Variants in ANKH observed in about 807,000 individuals in gnomAD.
ANKH encodes the protein ANKH inorganic pyrophosphate transport regulator, also known as mineralization regulator ANKH.
Under a neutral mutation model 49.0 loss-of-function variants are expected in ANKH, and 15 were observed. The ratio of observed to expected loss-of-function variants is 0.31; its 90% CI spans 0.20 to 0.47. The LOEUF is 0.47. ANKH is among the 20% of genes least tolerant of loss of function. The pLI, the probability that ANKH is intolerant of heterozygous loss-of-function variation, is 1.00. For missense variants in ANKH, 429 were observed against 652.0 expected (o/e 0.66, Z 3.72); for synonymous variants, 273 against 260.0 (o/e 1.05, Z -0.48).
intron 1 of ANKH, among the ~76,000 whole-genome samples, chr5:14,779,074 A>T (rs542741540): frequency 6.6e-6 from 1 of 152,226 alleles, no homozygotes; most frequent in East Asian, 1.9e-4. Flanking sequence ...TAAATTTCTT[A>T]TTGCTTCTCT....
At chr5:14,792,936 C>T (rs890624926) in intron 1 of ANKH, among the ~76,000 whole-genome samples, 2 of 142,034 alleles carry the variant, frequency 1.4e-5, no homozygotes, top group African/African-American at 2.6e-5. Context: ...GAGATTATGC[C>T]ACCACACTCC....
chr5:14,848,138 A>G (rs751040932), intron 1 of ANKH, among the ~76,000 whole-genome samples: 27 of 152,272 alleles, frequency 1.8e-4, no homozygotes, highest in Non-Finnish European at 3.5e-4. Context: ...GATTCTGTTG[A>G]GAGACAGGAC....
chr5:14,863,081 G>A (rs571602491), intron 1 of ANKH, among the ~76,000 whole-genome samples: 23 of 152,194 alleles, frequency 1.5e-4, no homozygotes, highest in Admixed American at 3.9e-4. Context: ...GTGGTTACAC[G>A]GGCATACTGC....
At chr5:14,805,593 G>A (rs946981237) in intron 1 of ANKH, among the ~76,000 whole-genome samples, 2 of 150,780 alleles carry the variant, frequency 1.3e-5, no homozygotes, top group Non-Finnish European at 3.0e-5. Flanking sequence ...CTTGCTTTAG[G>A]TGTTTATTCT....
At chr5:14,794,189 C>A (rs753191691) in intron 1 of ANKH, among the ~76,000 whole-genome samples, 2 of 152,214 alleles carry the variant, frequency 1.3e-5, no homozygotes, top group Non-Finnish European at 2.9e-5. Flanking sequence ...GGAAAGCCAG[C>A]CTATTCTAGA....
intron 1 of ANKH, among the ~76,000 whole-genome samples, chr5:14,864,530 A>G (rs1378766717): frequency 6.6e-6 from 1 of 152,228 alleles, no homozygotes; most frequent in African/African-American, 2.4e-5. Context: ...TAAGGAGGTC[A>G]CAGTGTCCTT....
chr5:14,713,800 C>T lies in ANKH; in HGVS notation c.1142-133G>A, dbSNP rs1737335078. On this transcript the variant is annotated intron_variant, in intron 9 of 11. Coordinates refer to ENST00000284268, the MANE Select transcript of ANKH (RefSeq NM_054027.6). This position sits in a 1 kb window ranked among gnomAD's most constrained non-coding sequence, Gnocchi z 4.4. ...CTGGCCTTGCTGTTGAGCCGCTGGC[C>T]ACCTCATCTTCCTGCCAGGGTTCCC... 2 of 1,301,002 alleles carry T rather than the reference C, an allele frequency of 1.5e-6. No individual in the cohort carries two copies. The highest frequency in any genetic ancestry group is 2.4e-5 in the South Asian group (2 of 83,586). 80.6% of individuals were successfully genotyped at this position (1,301,002 alleles called of 1,614,324 possible). A position where few individuals can be genotyped will look rare whatever the true frequency, so the allele number is the denominator to read the frequency against.
chr5:14,772,309 A>C (rs1739471740), intron 1 of ANKH, among the ~76,000 whole-genome samples: 1 of 152,222 alleles, frequency 6.6e-6, no homozygotes, highest in Non-Finnish European at 1.5e-5. Context: ...ACTGTTAGGA[A>C]GAAATGTATT....
chr5:14,743,096 A>G (rs1462466208), intron 7 of ANKH, among the ~76,000 whole-genome samples: 1 of 152,194 alleles, frequency 6.6e-6, no homozygotes, highest in Non-Finnish European at 1.5e-5. Context: ...CATTTCTCAA[A>G]TCCCTTCCAC....
intron 8 of ANKH, among the ~76,000 whole-genome samples, chr5:14,730,682 C>T (rs559173434): frequency 4.6e-5 from 7 of 152,314 alleles, no homozygotes; most frequent in Non-Finnish European, 8.8e-5. Flanking sequence ...ATGGGGCCGA[C>T]GTGTATGTGG....
At chr5:14,780,781 T>C (rs1739782142) in intron 1 of ANKH, among the ~76,000 whole-genome samples, 1 of 152,218 alleles carries the variant, frequency 6.6e-6, no homozygotes. Context: ...TTTTGTCTCG[T>C]TCAGAACCAG....
At chr5:14,765,086 G>A (rs1012943141) in intron 2 of ANKH, among the ~76,000 whole-genome samples, 2 of 152,224 alleles carry the variant, frequency 1.3e-5, no homozygotes, top group African/African-American at 2.4e-5. Flanking sequence ...TGGCCTAAAT[G>A]AAGGTGTGGT....
intron 1 of ANKH, among the ~76,000 whole-genome samples, chr5:14,790,706 C>T (rs952058769): frequency 3.9e-5 from 6 of 152,216 alleles, no homozygotes; most frequent in African/African-American, 9.7e-5. Flanking sequence ...TTCCGGGGTT[C>T]GAGCGATTCT....
At chr5:14,838,992 A>T (rs905143209) in intron 1 of ANKH, among the ~76,000 whole-genome samples, 3 of 152,116 alleles carry the variant, frequency 2.0e-5, no homozygotes, top group Non-Finnish European at 2.9e-5. Flanking sequence ...TCGAACAACA[A>T]CCCAAGTGAA....
chr5:14,773,353 C>T (rs200613198), intron 1 of ANKH, among the ~76,000 whole-genome samples: 279 of 76,828 alleles, frequency 3.6e-3, no homozygotes, highest in Middle Eastern at 0.013. Context: ...GCAAAGCATT[C>T]TTTTTTTTTT....
chr5:14,715,641 C>G (rs1321719793), intron 9 of ANKH, among the ~76,000 whole-genome samples: 2 of 152,236 alleles, frequency 1.3e-5, no homozygotes, highest in South Asian at 4.1e-4. Flanking sequence ...CCACTGTTAG[C>G]AGCTTGGTGA....
chr5:14,841,723 A>G (rs914193881), intron 1 of ANKH, among the ~76,000 whole-genome samples: 4 of 152,144 alleles, frequency 2.6e-5, no homozygotes, highest in African/African-American at 9.7e-5. Flanking sequence ...GTCCCCATTA[A>G]ACACTAACTC....
rs1737001491 is a variant in ANKH at position 14,707,892 on chromosome 5, A to G, written c.*3305T>C. On this transcript the variant is annotated 3_prime_UTR_variant, in exon 12 of 12. Transcript: ENST00000284268. ...GTAACTTTGGCACAAGACAAACCCGATGCAGGCAGTCATGGGGGATGACTG... is the reference window on the plus strand; with the variant it reads ...GTAACTTTGGCACAAGACAAACCCGGTGCAGGCAGTCATGGGGGATGACTG... 6.6e-6 allele frequency: 1 copy of G among 152,168 alleles called. No homozygotes were observed. Among genetic ancestry groups the G allele is most frequent in the African/African-American group, 2.4e-5 (1 of 41,436 alleles). The allele number at this position is 152,168 out of a possible 1,614,324, so 9.4% of individuals were successfully genotyped here. A position where few individuals can be genotyped will look rare whatever the true frequency, so the allele number is the denominator to read the frequency against.
At chr5:14,771,921 G>GAAAAAAAAAAAA (rs869185652) in intron 1 of ANKH, among the ~76,000 whole-genome samples, 2 of 53,358 alleles carry the variant, frequency 3.7e-5, no homozygotes, top group East Asian at 6.5e-4. Context: ...CTCAAAAAAA[G>GAAAAAAAAAAAA]AAAAAAAAAA....
Sources: allele counts gnomAD v4.1 joint callset (sites outside exome capture counted in the v4.1 genomes callset), GRCh38; gene constraint gnomAD v4.1.1; non-coding constraint Gnocchi (gnomAD v3.1); transcripts MANE v1.5; gene names NCBI Gene and HGNC (gene_info 2026-07-23, HGNC 2026-07-21).